MALRD1: variants seen among roughly 807,000 people sequenced by gnomAD.
MALRD1 encodes MAM and LDL receptor class A domain containing 1, also known as MAM and LDL-receptor class A domain-containing protein 1.
Under a neutral mutation model 242.1 loss-of-function variants are expected in MALRD1, and 247 were observed. The ratio of observed to expected loss-of-function variants is 1.02; its 90% confidence interval spans 0.92 to 1.13. The LOEUF is 1.13. Ranked by LOEUF, MALRD1 falls within the 50% of genes most tolerant of loss-of-function variation. The pLI, the probability that MALRD1 is intolerant of heterozygous loss-of-function variation, is 0.00. For synonymous variants in MALRD1, 995 were observed against 866.6 expected, an observed-to-expected ratio of 1.15 and a Z score of -2.60; for missense variants, 2,989 against 2,533.1, an observed-to-expected ratio of 1.18 and a Z score of -3.86.
At chr10:19,646,476 G>A (rs1273641541) in intron 36 of MALRD1, among the ~76,000 whole-genome samples, 3 of 152,066 alleles carry the variant, frequency 2.0e-5, no homozygotes, top group Non-Finnish European at 4.4e-5. Context: ...GTAGTGGCAC[G>A]CACATGTAAT....
chr10:19,094,066 A>C (rs1835922698), intron 4 of MALRD1, among the ~76,000 whole-genome samples: 1 of 108,578 alleles, frequency 9.2e-6, no homozygotes, highest in African/African-American at 3.7e-5. Flanking sequence ...CCCTGCCCCC[A>C]GAGGTGGAGC....
At chr10:19,337,225 TTACA>T (rs1199596638) in intron 24 of MALRD1, among the ~76,000 whole-genome samples, 3 of 152,162 alleles carry the variant, frequency 2.0e-5, no homozygotes, top group African/African-American at 7.2e-5. Flanking sequence ...AGGTACATAC[TTACA>T]TATGTGTATG....
At chr10:19,237,606 T>TTATAATTA (rs1471811290) in intron 18 of MALRD1, among the ~76,000 whole-genome samples, 1 of 71,432 alleles carries the variant, frequency 1.4e-5, no homozygotes, top group Non-Finnish European at 2.4e-5. Flanking sequence ...ATAATTATAA[T>TTATAATTA]TATAATTATA....
intron 38 of MALRD1, among the ~76,000 whole-genome samples, chr10:19,704,112 A>G (rs745606778): frequency 1.5e-5 from 2 of 131,868 alleles, no homozygotes; most frequent in African/African-American, 2.8e-5. Flanking sequence ...TAAACTAACA[A>G]AAGTTAAAAA....
chr10:19,467,415 A>AAGTT (rs1472296170), intron 29 of MALRD1, among the ~76,000 whole-genome samples: 2 of 143,656 alleles, frequency 1.4e-5, no homozygotes, highest in African/African-American at 5.1e-5. Flanking sequence ...AAAAAAAAGA[A>AAGTT]AAAGACCTTT....
chr10:19,237,596 A>G (rs1211509783), intron 18 of MALRD1, among the ~76,000 whole-genome samples: 1 of 7,658 alleles, frequency 1.3e-4, no homozygotes, highest in East Asian at 1.5e-3. Flanking sequence ...ATATAATTAT[A>G]TAATTATAAT....
intron 38 of MALRD1, chr10:19,710,989 G>A (rs1221718653): frequency 6.6e-6 from 1 of 152,184 alleles, no homozygotes; most frequent in Non-Finnish European, 1.5e-5. Context: ...TTTATTAGTA[G>A]TAAGTTATAT....
chr10:19,558,389 C>G (rs1835818819), intron 32 of MALRD1, among the ~76,000 whole-genome samples: 1 of 152,112 alleles, frequency 6.6e-6, no homozygotes, highest in Admixed American at 6.6e-5. Context: ...CGTCAATATT[C>G]TTTATCAATA....
rs370421642 is a variant in MALRD1, at chr10:19,103,071, A to G, written c.598-908A>G. On this transcript the variant is annotated intron_variant, in intron 4 of 39. Coordinates refer to ENST00000454679, the MANE Select transcript of MALRD1 (RefSeq NM_001142308.3). ...ACCATGTTTGCCCGGCTGGTCTAGA[A>G]CTCCTGACCTCAAGTGATTCACCTG... Among the ~76,000 whole-genome samples the G allele has an allele frequency of 9.4e-5, 14 of 149,246 alleles. No homozygotes were observed. In the South Asian group the frequency reaches 3.0e-3, roughly 32 times the overall value.
intron 28 of MALRD1, among the ~76,000 whole-genome samples, chr10:19,400,071 T>C (rs1392202598): frequency 1.3e-5 from 2 of 152,202 alleles, no homozygotes; most frequent in Admixed American, 6.5e-5. Context: ...CTTTCATTCA[T>C]TGCGATTTAA....
chr10:19,362,487 G>A (rs1844934560), intron 26 of MALRD1, among the ~76,000 whole-genome samples: 1 of 152,070 alleles, frequency 6.6e-6, no homozygotes, highest in Non-Finnish European at 1.5e-5. Flanking sequence ...AAGGAGATAT[G>A]GAAATTAGCT....
At chr10:19,443,224 G>A (rs1008902721) in intron 28 of MALRD1, among the ~76,000 whole-genome samples, 24 of 151,718 alleles carry the variant, frequency 1.6e-4, no homozygotes, top group African/African-American at 5.3e-4. Flanking sequence ...TTCTTTATTA[G>A]TCTTGCTAGT....
At chr10:19,654,891 C>T (rs144714548) in intron 36 of MALRD1, among the ~76,000 whole-genome samples, 1 of 152,216 alleles carries the variant, frequency 6.6e-6, no homozygotes, top group East Asian at 1.9e-4. Context: ...CAGCTTCCTA[C>T]CCCACCTGCT....
intron 28 of MALRD1, among the ~76,000 whole-genome samples, chr10:19,432,070 T>C (rs1834154502): frequency 6.6e-6 from 1 of 152,136 alleles, no homozygotes. Flanking sequence ...AAGTGGGAAA[T>C]CATCTTGAAT....
At chr10:19,513,425 CTTTT>C (rs34441106) in intron 31 of MALRD1, among the ~76,000 whole-genome samples, 1 of 139,652 alleles carries the variant, frequency 7.2e-6, no homozygotes, top group African/African-American at 2.6e-5. Context: ...AAATAAATCT[CTTTT>C]TTTTTTTTTT....
At chr10:19,578,217 G>A (rs1420984280) in intron 33 of MALRD1, among the ~76,000 whole-genome samples, 2 of 152,062 alleles carry the variant, frequency 1.3e-5, no homozygotes, top group East Asian at 1.9e-4. Context: ...TTTTGCAGTA[G>A]CATCTTATTG....
intron 2 of MALRD1, among the ~76,000 whole-genome samples, chr10:19,073,163 C>A (rs796164269): frequency 1.7e-4 from 26 of 152,224 alleles, no homozygotes; most frequent in African/African-American, 5.8e-4. Context: ...GATCTGCCCA[C>A]CTTGGCCTCC....
chr10:19,638,986 G>T (rs1000699912), intron 36 of MALRD1, among the ~76,000 whole-genome samples: 1 of 151,962 alleles, frequency 6.6e-6, no homozygotes, highest in African/African-American at 2.4e-5. Context: ...GGTTGTTTGG[G>T]GGTGGGAGCG....
intron 21 of MALRD1, among the ~76,000 whole-genome samples, chr10:19,306,969 A>G (rs1018746269): frequency 9.9e-5 from 15 of 151,528 alleles, no homozygotes; most frequent in African/African-American, 3.4e-4. Flanking sequence ...CTACAATTCA[A>G]GATGAGATAT....
Sources: gnomAD v4.1 joint callset for allele counts (sites outside exome capture counted in the v4.1 genomes callset) on GRCh38, gnomAD v4.1.1 for gene constraint, MANE v1.5 for transcripts, NCBI Gene and HGNC (gene_info 2026-07-23, HGNC 2026-07-21) for gene names.